SMOC1: variants seen among roughly 807,000 people sequenced by gnomAD.
The protein encoded by SMOC1 is SPARC-related modular calcium-binding protein 1.
SMOC1 carries 22 observed loss-of-function variants against 56.3 expected under a neutral mutation model. That is an observed-to-expected ratio of 0.39 (90% CI 0.28 to 0.56). The LOEUF (loss-of-function observed/expected upper bound fraction) is 0.56, where lower values mean the gene tolerates loss of function less well. SMOC1 is among the 20% of genes least tolerant of loss of function. SMOC1 has a pLI of 0.61. For synonymous variants in SMOC1, 193 were observed against 215.0 expected (o/e 0.90, Z 0.89); for missense variants, 509 against 565.4 (o/e 0.90, Z 1.01).
At chr14:69,956,476 C>A (rs1883191116) in intron 3 of SMOC1, among the ~76,000 whole-genome samples, 3 of 141,612 alleles carry the variant, frequency 2.1e-5, no homozygotes, top group South Asian at 2.2e-4. Context: ...TCTCCTAAGA[C>A]CAAAACCCAG....
intron 3 of SMOC1, among the ~76,000 whole-genome samples, chr14:69,958,236 C>G (rs917686481): frequency 2.6e-5 from 4 of 152,142 alleles, no homozygotes; most frequent in Non-Finnish European, 5.9e-5. Context: ...ATAGCCACTC[C>G]ACTCCAGCCT....
chr14:69,977,932 A>T lies in SMOC1; in HGVS notation c.493A>T (p.Lys165Ter). ...TCTCACCCAAGGTTCAGTCACCGAC[A>T]AGCCCTTGAGCCAGGGTAACTCAGG... The part of the protein sequence containing the change: ...TPVCSGSVTD[K>*]PLSQGNSGRK... The change falls in exon 5 of 12, where the codon AAG becomes TAG. Residue 165 changes from lysine to a stop codon, truncating the protein, a stop_gained. Coordinates refer to ENST00000361956, the MANE Select transcript of SMOC1 (RefSeq NM_001034852.3). LOFTEE classifies it high-confidence loss of function. 6.2e-7 allele frequency: 1 copy of T among 1,614,050 alleles called. No homozygotes were observed. The highest frequency in any genetic ancestry group is 8.5e-7 in the Non-Finnish European group (1 of 1,179,894).
At chr14:69,938,688 G>A (rs910564858) in intron 1 of SMOC1, among the ~76,000 whole-genome samples, 36 of 152,248 alleles carry the variant, frequency 2.4e-4, no homozygotes, top group African/African-American at 7.5e-4. Context: ...GACTTCTGTC[G>A]GTGGCGTGAG....
At chr14:70,011,448 GCCCCTCCCAA>G in intron 8 of SMOC1, 27 bp from the exon 9 acceptor site, 2 of 1,356,886 alleles carry the variant, frequency 1.5e-6, no homozygotes, top group Non-Finnish European at 2.1e-6. Context: ...TCAGTTGCCA[GCCCCTCCCAA>G]CCCCCCCCAT....
At chr14:69,946,945 T>C (rs1033091333) in intron 1 of SMOC1, among the ~76,000 whole-genome samples, 2 of 152,196 alleles carry the variant, frequency 1.3e-5, no homozygotes, top group Admixed American at 6.5e-5. Context: ...TGCAAGCTCC[T>C]GCTTCACCTT....
intron 1 of SMOC1, among the ~76,000 whole-genome samples, chr14:69,910,651 C>A (rs1884533879): frequency 6.6e-6 from 1 of 151,016 alleles, no homozygotes; most frequent in Non-Finnish European, 1.5e-5. Context: ...GCCTTGGATA[C>A]TCAATTTTTA....
At chr14:70,011,623 C>T (rs1885345772) in intron 9 of SMOC1, 56 bp downstream of exon 9, 2 of 1,491,416 alleles carry the variant, frequency 1.3e-6, no homozygotes, top group Admixed American at 1.7e-5. Flanking sequence ...CCTCCACCCT[C>T]TCATTATGCA....
rs964260348 is a variant in SMOC1, at chr14:70,023,054, G to A, written c.1047-149G>A. The A allele has an allele frequency of 2.3e-4, 275 of 1,175,784 alleles. 1 individual carries two copies. The highest frequency in any genetic ancestry group is 5.6e-4 in the Middle Eastern group (2 of 3,560). 72.8% of individuals were successfully genotyped at this position (1,175,784 alleles called of 1,614,324 possible). A position where few individuals can be genotyped will look rare whatever the true frequency, so the allele number is the denominator to read the frequency against. On this transcript the variant is annotated intron_variant, in intron 10 of 11. Coordinates refer to ENST00000361956, the MANE Select transcript of SMOC1 (RefSeq NM_001034852.3). ...TTTGAGTCGGAGAGGATGGCTTAAC[G>A]TTGCCACAGGCTGAGCCGCTGTGGG...
At chr14:69,975,202 G>T (rs1052149143) in intron 3 of SMOC1, among the ~76,000 whole-genome samples, 1 of 152,150 alleles carries the variant, frequency 6.6e-6, no homozygotes. Flanking sequence ...AATCAGCCTG[G>T]TGTGGTGGTG....
intron 3 of SMOC1, among the ~76,000 whole-genome samples, chr14:69,960,046 G>T (rs532115478): frequency 3.3e-5 from 5 of 152,114 alleles, no homozygotes; most frequent in African/African-American, 1.2e-4. Context: ...TTGGTTTACC[G>T]TCTGGTTTTT....
intron 1 of SMOC1, among the ~76,000 whole-genome samples, chr14:69,908,435 G>T (rs1377477552): frequency 3.3e-5 from 5 of 152,072 alleles, no homozygotes; most frequent in Non-Finnish European, 7.4e-5. Context: ...CCTGTGGGTG[G>T]CCCTTTCCTG....
chr14:69,966,909 C>T (rs1883597864), intron 3 of SMOC1, among the ~76,000 whole-genome samples: 1 of 152,214 alleles, frequency 6.6e-6, no homozygotes, highest in Admixed American at 6.5e-5. Context: ...AGTTCTAGCA[C>T]TCATTCCCAT....
intron 4 of SMOC1, among the ~76,000 whole-genome samples, chr14:69,976,160 G>A (rs1295828276): frequency 2.0e-5 from 3 of 152,158 alleles, no homozygotes; most frequent in African/African-American, 7.2e-5. Context: ...TATTGAGTTG[G>A]ATTTTGAGAC....
chr14:69,898,942 G>A lies in SMOC1; in HGVS notation c.99+19165G>A, dbSNP rs372201878. On this transcript the variant is annotated intron_variant, in intron 1 of 11. Transcript: ENST00000361956. ...TTAGTGATGTGGTGGTAAGATGTGG[G>A]GGGAGGAGAAGCATTCTATAGTCCT... is the stretch of plus-strand genomic sequence containing the variant. 5.9e-5 allele frequency among the ~76,000 whole-genome samples: 9 copies of A among 152,230 alleles called. 1 individual carries two copies. The East Asian group carries it at 1.7e-3, about 29-fold the overall frequency.
chr14:69,946,028 C>A lies in SMOC1; in HGVS notation c.100-6110C>A, dbSNP rs575311854. Reference sequence around the variant, plus strand: ...GTCTATATTATAAAGAATTAAACATCTCCTCCCAGATGGAACCTTAGGCTG... The same window carrying A: ...GTCTATATTATAAAGAATTAAACATATCCTCCCAGATGGAACCTTAGGCTG... On this transcript the variant is annotated intron_variant, in intron 1 of 11. Transcript: ENST00000361956. Among the ~76,000 whole-genome samples, 29 of 152,332 alleles carry A rather than the reference C, an allele frequency of 1.9e-4. No individual in the cohort carries two copies. The Middle Eastern group carries it at 0.017, about 89-fold the overall frequency.
chr14:69,978,931 T>A (rs1884076241), intron 5 of SMOC1, among the ~76,000 whole-genome samples: 1 of 151,990 alleles, frequency 6.6e-6, no homozygotes, highest in African/African-American at 2.4e-5. Flanking sequence ...TAAGATTCAC[T>A]GCCACTGACC....
chr14:69,948,004 C>G (rs890060377), intron 1 of SMOC1, among the ~76,000 whole-genome samples: 6 of 152,226 alleles, frequency 3.9e-5, no homozygotes, highest in Admixed American at 6.5e-5. Flanking sequence ...AAATGGTAAT[C>G]TCACTGAGGG....
chr14:69,987,708 T>C (rs145657988), intron 5 of SMOC1, among the ~76,000 whole-genome samples: 383 of 152,326 alleles, frequency 2.5e-3, no homozygotes, highest in Middle Eastern at 0.01. Context: ...GCCTGGCATT[T>C]ATCTCTCCTC....
chr14:70,026,331 C>A (rs1487078268), intron 11 of SMOC1, among the ~76,000 whole-genome samples: 1 of 152,212 alleles, frequency 6.6e-6, no homozygotes, highest in Admixed American at 6.5e-5. Context: ...GCTAGTAGTT[C>A]TGGTCTGCAC....
Sources: gnomAD v4.1 joint callset for allele counts (sites outside exome capture counted in the v4.1 genomes callset) on GRCh38, gnomAD v4.1.1 for gene constraint, MANE v1.5 for transcripts, NCBI Gene and HGNC (gene_info 2026-07-23, HGNC 2026-07-21) for gene names.